SLC35F1: variants seen among roughly 807,000 people sequenced by gnomAD.
The protein encoded by SLC35F1 is chromosome 6 open reading frame 169.
SLC35F1 carries 14 observed loss-of-function variants against 48.7 expected under a neutral mutation model. The observed-to-expected ratio is 0.29, with a 90% confidence interval of 0.19 to 0.45. The LOEUF (loss-of-function observed/expected upper bound fraction) is 0.45. SLC35F1 is among the 20% of genes least tolerant of loss of function. The pLI is 1.00. For synonymous variants in SLC35F1, 190 were observed against 202.2 expected (o/e 0.94, Z 0.51); for missense variants, 404 against 500.0 (o/e 0.81, Z 1.83).
rs530553746 is a variant in SLC35F1 at position 118,177,873 on chromosome 6, G to A, written c.349+23253G>A. Among the ~76,000 whole-genome samples the A allele has an allele frequency of 1.8e-4, 28 of 152,056 alleles. 2 individuals carry two copies. The South Asian group carries it at 5.4e-3, about 29-fold the overall frequency. On this transcript the variant is annotated intron_variant, in intron 2 of 7. Coordinates refer to ENST00000360388, the MANE Select transcript of SLC35F1 (RefSeq NM_001029858.4). ...TGTTTTCCATTGTAGTGGTCATGTA[G>A]AACACGCTGATTTTTGGCAGAAAGG...
intron 3 of SLC35F1, among the ~76,000 whole-genome samples, chr6:118,239,525 T>A (rs1041432290): frequency 6.6e-6 from 1 of 151,960 alleles, no homozygotes; most frequent in African/African-American, 2.4e-5. Context: ...TTGAAAAAAT[T>A]ACAACAAATT....
intron 4 of SLC35F1, among the ~76,000 whole-genome samples, chr6:118,270,603 G>GC (rs1775837988): frequency 6.6e-6 from 1 of 152,168 alleles, no homozygotes; most frequent in Non-Finnish European, 1.5e-5. Flanking sequence ...TGAAGGAAAT[G>GC]TCTTTTCCAA....
intron 1 of SLC35F1, among the ~76,000 whole-genome samples, chr6:118,137,417 A>T (rs913840118): frequency 1.3e-5 from 2 of 152,108 alleles, no homozygotes; most frequent in Non-Finnish European, 2.9e-5. Flanking sequence ...TCTGACACCA[A>T]TTGTCTTGGA....
At chr6:118,119,671 T>C (rs2011710) in intron 1 of SLC35F1, among the ~76,000 whole-genome samples, 4,717 of 152,150 alleles carry the variant, frequency 0.031, 176 homozygotes, top group African/African-American at 0.08. Flanking sequence ...GCCCAGCTAA[T>C]TTCTGTAGGC....
At chr6:118,146,416 A>G (rs1773974244) in intron 1 of SLC35F1, among the ~76,000 whole-genome samples, 1 of 152,142 alleles carries the variant, frequency 6.6e-6, no homozygotes, top group Non-Finnish European at 1.5e-5. Flanking sequence ...TGACCAGCCA[A>G]GTGATTCCAT....
At chr6:118,164,047 A>T (rs1348682151) in intron 2 of SLC35F1, among the ~76,000 whole-genome samples, 1 of 152,230 alleles carries the variant, frequency 6.6e-6, no homozygotes, top group East Asian at 1.9e-4. Flanking sequence ...TTTCCTGCCT[A>T]TGCATTTTTT....
intron 1 of SLC35F1, among the ~76,000 whole-genome samples, chr6:118,093,380 G>T (rs1034825848): frequency 2.6e-5 from 4 of 152,116 alleles, no homozygotes; most frequent in Admixed American, 6.5e-5. Flanking sequence ...AATATGGTTT[G>T]GCTGTGTCCC....
intron 2 of SLC35F1, among the ~76,000 whole-genome samples, chr6:118,228,311 G>GTTCA (rs374187206): frequency 1.1e-3 from 1 of 924 alleles, no homozygotes; most frequent in East Asian, 0.056. Flanking sequence ...CATACTAAAT[G>GTTCA]GAATAGTTTT....
chr6:117,983,433 C>T (rs757497165), intron 1 of SLC35F1, among the ~76,000 whole-genome samples: 27 of 152,032 alleles, frequency 1.8e-4, no homozygotes, highest in Non-Finnish European at 3.1e-4. Flanking sequence ...AAAAATTAGT[C>T]GGGTGTGGTG....
At chr6:118,049,047 A>G (rs1772344029) in intron 1 of SLC35F1, among the ~76,000 whole-genome samples, 1 of 152,178 alleles carries the variant, frequency 6.6e-6, no homozygotes, top group South Asian at 2.1e-4. Context: ...CAGAGCCCTC[A>G]GAAATAATGC....
intron 1 of SLC35F1, among the ~76,000 whole-genome samples, chr6:117,945,095 A>C (rs1776280103): frequency 6.6e-6 from 1 of 152,118 alleles, no homozygotes; most frequent in Admixed American, 6.6e-5. Flanking sequence ...ACATATATAA[A>C]TATATATGGT....
intron 1 of SLC35F1, among the ~76,000 whole-genome samples, chr6:117,980,086 A>G (rs943660307): frequency 6.6e-6 from 1 of 152,166 alleles, no homozygotes; most frequent in African/African-American, 2.4e-5. Flanking sequence ...TGTTTATGGT[A>G]ACCATGGAAC....
At chr6:118,309,365 A>G (rs1776348549) in intron 7 of SLC35F1, among the ~76,000 whole-genome samples, 2 of 152,100 alleles carry the variant, frequency 1.3e-5, no homozygotes, top group South Asian at 4.1e-4. Context: ...GCTGTATTAC[A>G]CAGAGACATA....
chr6:118,043,753 T>C (rs1389166789), intron 1 of SLC35F1, among the ~76,000 whole-genome samples: 1 of 152,226 alleles, frequency 6.6e-6, no homozygotes, highest in Non-Finnish European at 1.5e-5. Flanking sequence ...TATGCACTTT[T>C]AGAAAATTTA....
intron 1 of SLC35F1, among the ~76,000 whole-genome samples, chr6:117,964,692 T>G (rs1326796162): frequency 1.3e-5 from 2 of 152,184 alleles, no homozygotes; most frequent in Non-Finnish European, 2.9e-5. Context: ...GGTGTGAAGA[T>G]TTAGGCTCTG....
chr6:118,012,554 A>G (rs1486132037), intron 1 of SLC35F1, among the ~76,000 whole-genome samples: 1 of 152,128 alleles, frequency 6.6e-6, no homozygotes, highest in Non-Finnish European at 1.5e-5. Flanking sequence ...GCTTCCTTCC[A>G]TATTTATGCT....
At position 118,267,165 on chromosome 6, in the gene SLC35F1, G is replaced by A. The variant is rs775800080; in HGVS notation, c.637+11G>A. On this transcript the variant is annotated intron_variant, in intron 4 of 7. Transcript: ENST00000360388. ...GACATCAGGGAGCAGGTGAGTCTTC[G>A]GATGTTCACCAGGTTCCTTACCTCT... 21 of 1,613,522 alleles carry A rather than the reference G, an allele frequency of 1.3e-5. No individual in the cohort carries two copies. The highest frequency in any genetic ancestry group is 8.3e-5 in the Admixed American group (5 of 59,984).
intron 1 of SLC35F1, among the ~76,000 whole-genome samples, chr6:117,932,261 A>G (rs1450439794): frequency 6.6e-6 from 1 of 152,220 alleles, no homozygotes; most frequent in Admixed American, 6.5e-5. Context: ...CATTTCTACT[A>G]TTTATAAATA....
At chr6:117,938,234 A>C (rs1480397415) in intron 1 of SLC35F1, among the ~76,000 whole-genome samples, 2 of 152,198 alleles carry the variant, frequency 1.3e-5, no homozygotes, top group African/African-American at 4.8e-5. Flanking sequence ...CTGATCTGTC[A>C]GTCTAAGTCA....
Sources: gnomAD v4.1 joint callset for allele counts (sites outside exome capture counted in the v4.1 genomes callset) on GRCh38, gnomAD v4.1.1 for gene constraint, MANE v1.5 for transcripts, NCBI Gene and HGNC (gene_info 2026-07-23, HGNC 2026-07-21) for gene names.